SERPINB6: variants seen among roughly 807,000 people sequenced by gnomAD.
SERPINB6 encodes serpin B6.
SERPINB6 carries 16 observed loss-of-function variants against 26.1 expected under a neutral mutation model. The observed-to-expected ratio is 0.61, with a 90% confidence interval of 0.42 to 0.93. The LOEUF (loss-of-function observed/expected upper bound fraction) is 0.93. Ranked by LOEUF, SERPINB6 falls within the 40% of genes least tolerant of loss-of-function variation. The pLI, the probability that SERPINB6 is intolerant of heterozygous loss-of-function variation, is 0.00. For missense variants in SERPINB6, 420 were observed against 478.0 expected (o/e 0.88, Z 1.13); for synonymous variants, 174 against 176.6 (o/e 0.99, Z 0.11).
At chr6:2,965,283 G>C (rs951196992) in intron 1 of SERPINB6, among the ~76,000 whole-genome samples, 1 of 152,138 alleles carries the variant, frequency 6.6e-6, no homozygotes. Flanking sequence ...TAATCTACCA[G>C]CTGCATTTTC....
intron 3 of SERPINB6, chr6:2,954,924 T>C (rs1012933700): frequency 1.8e-6 from 1 of 542,658 alleles, no homozygotes; most frequent in African/African-American, 1.9e-5. Context: ...GTACTGTGGC[T>C]TACACTTGTA....
At chr6:2,961,803 C>G (rs953683083) in intron 1 of SERPINB6, 2 of 984,298 alleles carry the variant, frequency 2.0e-6, no homozygotes, top group Non-Finnish European at 2.4e-6. Flanking sequence ...GTCAGCTGGC[C>G]AGGGGAAGGT....
intron 1 of SERPINB6, among the ~76,000 whole-genome samples, chr6:2,962,742 A>T (rs1474121936): frequency 6.6e-6 from 1 of 152,248 alleles, no homozygotes; most frequent in Non-Finnish European, 1.5e-5. Context: ...AGGATGTCCT[A>T]GAGATTTAAT....
chr6:2,970,566 C>T, intron 1 of SERPINB6: 2 of 1,206,308 alleles, frequency 1.7e-6, no homozygotes, highest in Non-Finnish European at 2.1e-6. Context: ...AGGATGCAGG[C>T]AGCTGCAGGG....
chr6:2,970,881 G>T, intron 1 of SERPINB6: 1 of 1,231,162 alleles, frequency 8.1e-7, no homozygotes, highest in South Asian at 4.1e-5. Context: ...TGGTCCACAC[G>T]ATCGTCTCCA....
chr6:2,951,656 C>G (rs1769825758), intron 5 of SERPINB6, among the ~76,000 whole-genome samples: 1 of 152,178 alleles, frequency 6.6e-6, no homozygotes, highest in Non-Finnish European at 1.5e-5. Flanking sequence ...AAATAAGAAT[C>G]TGTATCAACT....
At chr6:2,957,449 C>T (rs1308678313) in intron 2 of SERPINB6, 1 of 152,230 alleles carries the variant, frequency 6.6e-6, no homozygotes, top group Non-Finnish European at 1.5e-5. Flanking sequence ...AAGAGATGGC[C>T]TCAGGGCAAA....
chr6:2,949,961 ACT>A (rs1769592302), intron 5 of SERPINB6, among the ~76,000 whole-genome samples: 1 of 152,084 alleles, frequency 6.6e-6, no homozygotes, highest in South Asian at 2.1e-4. Context: ...TGGAGAGTGA[ACT>A]TCTGCCTCTT....
intron 1 of SERPINB6, chr6:2,968,950 G>T: frequency 8.2e-7 from 1 of 1,222,756 alleles, no homozygotes; most frequent in Non-Finnish European, 1.0e-6. Flanking sequence ...TGGGGGTCGG[G>T]GGGCTTCTAC....
chr6:2,954,845 TTAACC>T, intron 3 of SERPINB6, 136 bp from the exon 4 acceptor site: 1 of 701,692 alleles, frequency 1.4e-6, no homozygotes, highest in African/African-American at 1.8e-5. Flanking sequence ...ATATGAGGAC[TTAACC>T]TAAACTACAA....
intron 1 of SERPINB6, chr6:2,968,510 C>T: frequency 8.8e-7 from 1 of 1,132,134 alleles, no homozygotes; most frequent in Non-Finnish European, 1.1e-6. Context: ...CTCTTCTGAC[C>T]TTATTCCCTC....
intron 2 of SERPINB6, among the ~76,000 whole-genome samples, chr6:2,958,887 G>A (rs1770789595): frequency 6.6e-6 from 1 of 152,098 alleles, no homozygotes; most frequent in Non-Finnish European, 1.5e-5. Context: ...TGAACCTTGT[G>A]ACTTTACAAC....
chr6:2,961,114 T>G (rs1237458036), intron 1 of SERPINB6: 4 of 152,184 alleles, frequency 2.6e-5, no homozygotes, highest in African/African-American at 7.2e-5. Flanking sequence ...AATAAACATG[T>G]GCAGTTTAGC....
chr6:2,966,930 T>C lies in SERPINB6; in HGVS notation c.-11+4603A>G, dbSNP rs951872295. On this transcript the variant is annotated intron_variant, in intron 1 of 6. Coordinates refer to ENST00000380539, the MANE Select transcript of SERPINB6 (RefSeq NM_004568.6). ...TTGGCTTCCCAAAGTGCTGGGATTATAGGCATGAGCCACCAAGCCTAGCTT... is the reference window on the plus strand; with the variant it reads ...TTGGCTTCCCAAAGTGCTGGGATTACAGGCATGAGCCACCAAGCCTAGCTT... 4 of 985,116 alleles carry C rather than the reference T, an allele frequency of 4.1e-6. No homozygotes were observed. The East Asian group carries it at 3.4e-4, about 84-fold the overall frequency. 61.0% of individuals were successfully genotyped at this position (985,116 alleles called of 1,614,324 possible).
chr6:2,958,960 G>A (rs1770794713), intron 2 of SERPINB6, among the ~76,000 whole-genome samples: 1 of 151,870 alleles, frequency 6.6e-6, no homozygotes, highest in African/African-American at 2.4e-5. Flanking sequence ...CCTCTGAATC[G>A]GGCGCCCCCT....
rs559516322 is a variant in SERPINB6, at chr6:2,959,097, T to C, written c.165+71A>G. On this transcript the variant is annotated intron_variant, in intron 2 of 6. Transcript: ENST00000380539. The stretch of plus-strand genomic sequence containing the variant: ...ACAGTCATCCGTCTCGAGCGATCCC[T>C]TTGGGATTTGGAATAAGGAGGACCA... 4 of 1,588,862 alleles carry C rather than the reference T, an allele frequency of 2.5e-6. No homozygotes were observed. The African/African-American group carries it at 5.4e-5, about 21-fold the overall frequency.
intron 1 of SERPINB6, among the ~76,000 whole-genome samples, chr6:2,966,147 T>C (rs1344325733): frequency 1.3e-5 from 2 of 151,338 alleles, no homozygotes; most frequent in African/African-American, 4.9e-5. Flanking sequence ...TTTTTACAAC[T>C]ACTGTGTTTG....
intron 4 of SERPINB6, among the ~76,000 whole-genome samples, chr6:2,953,845 A>C (rs1220077262): frequency 1.3e-5 from 2 of 152,120 alleles, no homozygotes; most frequent in Non-Finnish European, 2.9e-5. Context: ...CCTGGCCAAC[A>C]TGGTGAAAAC....
At chr6:2,971,038 G>C (rs1376826960) in intron 1 of SERPINB6, 7 of 1,197,468 alleles carry the variant, frequency 5.8e-6, no homozygotes, top group Non-Finnish European at 7.2e-6. Flanking sequence ...AACACCCGGC[G>C]CCCCAAGACT....
Sources: allele counts gnomAD v4.1 joint callset (sites outside exome capture counted in the v4.1 genomes callset), GRCh38; gene constraint gnomAD v4.1.1; transcripts MANE v1.5; gene names NCBI Gene and HGNC (gene_info 2026-07-23, HGNC 2026-07-21).